The following GRIK4 variants were observed in gnomAD, a reference collection of about 807,000 sequenced individuals.
The protein encoded by GRIK4 is glutamate ionotropic receptor kainate type subunit 4.
GRIK4 carries 40 observed loss-of-function variants against 104.9 expected under a neutral mutation model. The ratio of observed to expected loss-of-function variants is 0.38; its 90% CI spans 0.30 to 0.50. The LOEUF is 0.50. GRIK4 is among the 20% of genes least tolerant of loss of function. The pLI is 0.93. For synonymous variants in GRIK4, 485 were observed against 524.9 expected (o/e 0.92, Z 1.04); for missense variants, 1,047 against 1,308.1 (o/e 0.80, Z 3.08).
chr11:120,873,876 C>T (rs1339304714), intron 9 of GRIK4, 190 bp from the exon 10 acceptor site: 12 of 552,406 alleles, frequency 2.2e-5, no homozygotes, highest in Non-Finnish European at 3.9e-5. Context: ...TGGGTGAACA[C>T]CTGACTATTA....
intron 5 of GRIK4, among the ~76,000 whole-genome samples, chr11:120,818,779 G>A (rs1370481792): frequency 1.3e-5 from 2 of 152,194 alleles, no homozygotes; most frequent in Admixed American, 1.3e-4. Context: ...CATTCTGGAA[G>A]CCAATCTACT....
At position 120,680,868 on chromosome 11, in the gene GRIK4, C is replaced by T. The variant is rs1230866323; in HGVS notation, c.82+20468C>T. Among the ~76,000 whole-genome samples the T allele has an allele frequency of 2.6e-5, 4 of 152,134 alleles. No homozygotes were observed. The East Asian group carries it at 5.8e-4, about 22-fold the overall frequency. On this transcript the variant is annotated intron_variant, in intron 3 of 20. Coordinates refer to ENST00000527524, the MANE Select transcript of GRIK4 (RefSeq NM_014619.5). Reference sequence around the variant, plus strand: ...GATTTCAGGGTCTCTCTCCAAGGACCCTCTTCTCCCTGTAACACTAACGTT... The same window carrying T: ...GATTTCAGGGTCTCTCTCCAAGGACTCTCTTCTCCCTGTAACACTAACGTT...
chr11:120,652,767 C>G lies in GRIK4; in HGVS notation c.-158-918C>G, dbSNP rs546146728. Among the ~76,000 whole-genome samples, 3 of 152,264 alleles carry G rather than the reference C, an allele frequency of 2.0e-5. No homozygotes were observed. In the South Asian group the frequency reaches 6.2e-4, roughly 32 times the overall value. On this transcript the variant is annotated intron_variant, in intron 1 of 20. Coordinates refer to ENST00000527524, the MANE Select transcript of GRIK4 (RefSeq NM_014619.5). Reference sequence around the variant, plus strand: ...GGCTATCAGCCTCCTCTCTGACCCACCTCAGAAAATCACAATTAATGATGT... The same window carrying G: ...GGCTATCAGCCTCCTCTCTGACCCAGCTCAGAAAATCACAATTAATGATGT...
At chr11:120,984,797 A>AAAAAC (rs1555108323) in intron 20 of GRIK4, among the ~76,000 whole-genome samples, 2 of 148,504 alleles carry the variant, frequency 1.3e-5, no homozygotes, top group Admixed American at 1.3e-4. Context: ...ACAAACAAAC[A>AAAAAC]AAAATGCAGG....
At chr11:120,824,463 G>A (rs1229211759) in intron 6 of GRIK4, among the ~76,000 whole-genome samples, 3 of 152,026 alleles carry the variant, frequency 2.0e-5, no homozygotes, top group Admixed American at 1.3e-4. Flanking sequence ...GGCTGGGCCC[G>A]AAGCCACAGG....
chr11:120,532,620 A>G (rs1177147510), intron 1 of GRIK4, among the ~76,000 whole-genome samples: 1 of 152,020 alleles, frequency 6.6e-6, no homozygotes, highest in African/African-American at 2.4e-5. Context: ...TCTTTCCCCT[A>G]CCCCGCAAAC....
intron 3 of GRIK4, among the ~76,000 whole-genome samples, chr11:120,758,471 T>G (rs1001347300): frequency 1.3e-5 from 2 of 152,204 alleles, no homozygotes; most frequent in African/African-American, 4.8e-5. Context: ...CTGCATTTTA[T>G]ATATATTCAC....
chr11:120,877,431 C>T (rs112030412), intron 11 of GRIK4, among the ~76,000 whole-genome samples: 2,167 of 152,268 alleles, frequency 0.014, 52 homozygotes, highest in African/African-American at 0.049. Flanking sequence ...ACACTCAGAT[C>T]GTGCCCTCAG....
At chr11:120,514,139 A>G (rs1261245519) in intron 1 of GRIK4, among the ~76,000 whole-genome samples, 2 of 152,110 alleles carry the variant, frequency 1.3e-5, no homozygotes, top group African/African-American at 2.4e-5. Flanking sequence ...AGGCAAGAGA[A>G]GCAGCGAGGC....
At chr11:120,735,628 C>T (rs566153411) in intron 3 of GRIK4, among the ~76,000 whole-genome samples, 28 of 152,028 alleles carry the variant, frequency 1.8e-4, no homozygotes, top group African/African-American at 6.3e-4. Flanking sequence ...TCTTTCAAGG[C>T]GACAAGTTCC....
Position 120,986,315 on chromosome 11 carries a change from G to C in GRIK4, c.*55G>C. ...GGGCGGGGCGGGAGGGGAGGGGCGG[G>C]GCGGGCGCTGCTGTCAGCCGCCAGC... On this transcript the variant is annotated 3_prime_UTR_variant, in exon 21 of 21. Coordinates refer to ENST00000527524, the MANE Select transcript of GRIK4 (RefSeq NM_014619.5). 7.0e-7 allele frequency: 1 copy of C among 1,424,258 alleles called. No homozygotes were observed. 88.2% of individuals were successfully genotyped at this position (1,424,258 alleles called of 1,614,324 possible).
chr11:120,979,176 T>A (rs1230297658), intron 19 of GRIK4, among the ~76,000 whole-genome samples: 1 of 152,212 alleles, frequency 6.6e-6, no homozygotes, highest in African/African-American at 2.4e-5. Flanking sequence ...AAAAGGAAAC[T>A]GCAAAATTAA....
chr11:120,738,231 A>G (rs1217781378), intron 3 of GRIK4, among the ~76,000 whole-genome samples: 1 of 152,246 alleles, frequency 6.6e-6, no homozygotes, highest in African/African-American at 2.4e-5. Flanking sequence ...CTTGCAGACT[A>G]GAGTGAGCAT....
At chr11:120,836,873 G>C (rs1351305096) in intron 8 of GRIK4, 29 bp downstream of exon 8, 9 of 1,383,514 alleles carry the variant, frequency 6.5e-6, no homozygotes, top group Non-Finnish European at 9.3e-6. Context: ...TCACCTCCTT[G>C]GAAGAGAGTG....
chr11:120,815,884 G>A (rs926713171), intron 5 of GRIK4, among the ~76,000 whole-genome samples: 27 of 152,188 alleles, frequency 1.8e-4, no homozygotes, highest in Non-Finnish European at 2.9e-4. Context: ...GGATTCTGGG[G>A]AAGAATGCCT....
intron 1 of GRIK4, among the ~76,000 whole-genome samples, chr11:120,614,490 C>T (rs1949080386): frequency 6.6e-6 from 1 of 152,092 alleles, no homozygotes; most frequent in South Asian, 2.1e-4. Flanking sequence ...CTGGAGGCCC[C>T]CGGATCAGCG....
chr11:120,811,275 C>T (rs990514046), intron 4 of GRIK4, among the ~76,000 whole-genome samples: 3 of 152,112 alleles, frequency 2.0e-5, no homozygotes, highest in Non-Finnish European at 4.4e-5. Context: ...AATACATGCT[C>T]ATTATAGAAA....
intron 3 of GRIK4, among the ~76,000 whole-genome samples, chr11:120,776,719 G>C (rs1052998073): frequency 3.9e-5 from 6 of 152,098 alleles, no homozygotes; most frequent in Non-Finnish European, 7.3e-5. Context: ...GGCTTGACTG[G>C]GGCTGGAAAG....
chr11:120,837,067 C>T (rs146954664), intron 8 of GRIK4, among the ~76,000 whole-genome samples: 375 of 152,296 alleles, frequency 2.5e-3, no homozygotes, highest in African/African-American at 8.5e-3. Flanking sequence ...ATTCAAATGC[C>T]GCTAGCTACA....
Sources: gnomAD v4.1 joint callset for allele counts (sites outside exome capture counted in the v4.1 genomes callset) on GRCh38, gnomAD v4.1.1 for gene constraint, MANE v1.5 for transcripts, NCBI Gene and HGNC (gene_info 2026-07-23, HGNC 2026-07-21) for gene names.